TDRD3: variants seen among roughly 807,000 people sequenced by gnomAD.
The protein encoded by TDRD3 is tudor domain-containing protein 3.
In TDRD3, 45 loss-of-function variants were observed where a neutral mutation model predicts 86.7. The observed-to-expected ratio is 0.52, with a 90% CI of 0.41 to 0.67. TDRD3 has a LOEUF of 0.67. Ranked by LOEUF, TDRD3 falls within the 30% of genes least tolerant of loss-of-function variation. The pLI is 0.00. For missense variants in TDRD3, 814 were observed against 889.0 expected (o/e 0.92, Z 1.07); for synonymous variants, 298 against 301.7 (o/e 0.99, Z 0.13).
chr13:60,397,287 A>AG lies in TDRD3; in HGVS notation c.-69dup, dbSNP rs36124731. 81,002 of 561,112 alleles carry AG rather than the reference A, an allele frequency of 0.14. 5,295 individuals are homozygous for AG. The highest frequency in any genetic ancestry group is 0.27 in the African/African-American group (12,801 of 47,500). 34.8% of individuals were successfully genotyped at this position (561,112 alleles called of 1,614,324 possible). Reference sequence around the variant, plus strand: ...CTTTTCTTTTCTTTTTTTTTTTTTAAGGGGGGGGGTCTCAAGTAGGAGGCC... The same window carrying AG: ...CTTTTCTTTTCTTTTTTTTTTTTTAAGGGGGGGGGGTCTCAAGTAGGAGGCC... On this transcript the variant is annotated 5_prime_UTR_variant, in exon 1 of 14. The change creates a premature stop within an existing upstream ORF in the 5' untranslated region. Coordinates refer to ENST00000377881, the MANE Select transcript of TDRD3 (RefSeq NM_001146070.2).
At chr13:60,502,534 C>CT (rs1368426759) in intron 8 of TDRD3, among the ~76,000 whole-genome samples, 2 of 151,954 alleles carry the variant, frequency 1.3e-5, no homozygotes, top group South Asian at 4.1e-4. Flanking sequence ...CTATATAGGC[C>CT]TTTTGGATTG....
intron 5 of TDRD3, among the ~76,000 whole-genome samples, chr13:60,469,507 T>A (rs1007068836): frequency 3.9e-5 from 6 of 152,112 alleles, no homozygotes; most frequent in African/African-American, 1.4e-4. Context: ...ATTATATGTC[T>A]CTGCACTTGA....
chr13:60,396,225 C>T (rs1163692459), upstream of TDRD3, among the ~76,000 whole-genome samples: 1 of 152,214 alleles, frequency 6.6e-6, no homozygotes, highest in Non-Finnish European at 1.5e-5. Context: ...TCTTCTTCCC[C>T]TGACCTGGCA....
At chr13:60,508,768 C>A (rs1956991908) in intron 8 of TDRD3, among the ~76,000 whole-genome samples, 2 of 152,096 alleles carry the variant, frequency 1.3e-5, no homozygotes, top group Non-Finnish European at 2.9e-5. Flanking sequence ...ATCACTGTAA[C>A]CTTCATCAAG....
intron 2 of TDRD3, among the ~76,000 whole-genome samples, chr13:60,442,616 AT>A (rs1231375825): frequency 3.3e-5 from 5 of 152,070 alleles, no homozygotes; most frequent in Admixed American, 2.0e-4. Flanking sequence ...TTGGTAGATC[AT>A]TTTCATCTTG....
chr13:60,506,275 C>T (rs1426188779), intron 8 of TDRD3, among the ~76,000 whole-genome samples: 1 of 152,120 alleles, frequency 6.6e-6, no homozygotes, highest in African/African-American at 2.4e-5. Flanking sequence ...TCTAGATTTT[C>T]ATACCAGCCA....
chr13:60,508,057 A>G (rs1566254880), intron 8 of TDRD3, among the ~76,000 whole-genome samples: 1 of 152,222 alleles, frequency 6.6e-6, no homozygotes, highest in Non-Finnish European at 1.5e-5. Flanking sequence ...AATACAACTT[A>G]CAAGGGATGT....
chr13:60,462,403 C>T (rs545830137), intron 4 of TDRD3, among the ~76,000 whole-genome samples: 5 of 152,270 alleles, frequency 3.3e-5, no homozygotes, highest in South Asian at 2.1e-4. Flanking sequence ...AATTAATCGT[C>T]GTATGCTCTT....
intron 6 of TDRD3, chr13:60,484,583 C>G (rs1447086531): frequency 2.7e-6 from 1 of 371,474 alleles, no homozygotes; most frequent in East Asian, 7.5e-5. Context: ...TGACTGTCAC[C>G]CTCTCTGAAA....
intron 12 of TDRD3, chr13:60,536,298 C>T (rs1253723229): frequency 1.3e-5 from 2 of 151,810 alleles, no homozygotes; most frequent in Non-Finnish European, 2.9e-5. Flanking sequence ...TTTATTATTC[C>T]AACTTTTACA....
In TDRD3 at chr13:60,567,603, A is replaced by G. The variant is rs1286705263; in HGVS notation, c.2197A>G (p.Thr733Ala). Residue 733 changes from threonine to alanine, a missense_variant, in exon 13 of 14, where the codon ACC becomes GCC. Transcript: ENST00000377881. ...DGQPRRSTRP[T>A]QQFYQPPRAR... Reference sequence around the variant, plus strand: ...CCAGCCAAGACGATCCACTCGGCCAACCCAACAGTTTTACCAACCACCCCG... The same window carrying G: ...CCAGCCAAGACGATCCACTCGGCCAGCCCAACAGTTTTACCAACCACCCCG... 2 of 1,614,076 alleles carry G rather than the reference A, an allele frequency of 1.2e-6. No individual in the cohort carries two copies. Among genetic ancestry groups the G allele is most frequent in the Non-Finnish European group, 1.7e-6 (2 of 1,180,036 alleles).
chr13:60,473,881 C>G (rs1956126104), intron 5 of TDRD3, among the ~76,000 whole-genome samples: 1 of 152,122 alleles, frequency 6.6e-6, no homozygotes, highest in Non-Finnish European at 1.5e-5. Context: ...AGCGTCAGTA[C>G]CTGGGGAAGG....
rs1954771903 is a variant in TDRD3, at chr13:60,425,239, G to A, written c.42-14449G>A. ...TTTTCCCCAAAGAAGACATAAAAAT[G>A]TCTAAGAGGTGTATGAAAAGGTGCT... is the stretch of plus-strand genomic sequence containing the variant. On this transcript the variant is annotated intron_variant, in intron 1 of 13. Coordinates refer to ENST00000377881, the MANE Select transcript of TDRD3 (RefSeq NM_001146070.2). Among the ~76,000 whole-genome samples the A allele has an allele frequency of 1.3e-5, 2 of 152,294 alleles. 1 individual carries two copies. Among genetic ancestry groups the A allele is most frequent in the South Asian group, 4.1e-4 (2 of 4,828 alleles).
intron 5 of TDRD3, among the ~76,000 whole-genome samples, chr13:60,467,832 A>G (rs565468761): frequency 2.6e-5 from 4 of 152,210 alleles, no homozygotes; most frequent in Admixed American, 6.5e-5. Flanking sequence ...ATTTTTCCCC[A>G]TTTATATTAA....
At chr13:60,436,699 A>G (rs1262686111) in intron 1 of TDRD3, among the ~76,000 whole-genome samples, 2 of 152,120 alleles carry the variant, frequency 1.3e-5, no homozygotes, top group Non-Finnish European at 2.9e-5. Context: ...AAGTCTAGCA[A>G]TGTGATGTAT....
chr13:60,571,655 TAA>T (rs1377893629), intron 13 of TDRD3, among the ~76,000 whole-genome samples: 1 of 152,242 alleles, frequency 6.6e-6, no homozygotes, highest in Non-Finnish European at 1.5e-5. Context: ...TATGTTTTGA[TAA>T]AGTTTTATAT....
At chr13:60,443,083 G>A (rs1202039698) in intron 2 of TDRD3, among the ~76,000 whole-genome samples, 1 of 151,754 alleles carries the variant, frequency 6.6e-6, no homozygotes, top group Non-Finnish European at 1.5e-5. Context: ...TTACATTATT[G>A]ATATGATGGT....
chr13:60,478,000 C>T (rs1380315359), intron 5 of TDRD3, among the ~76,000 whole-genome samples: 1 of 151,746 alleles, frequency 6.6e-6, no homozygotes, highest in East Asian at 1.9e-4. Flanking sequence ...TGTATCTGGT[C>T]TAGGATTTTT....
At chr13:60,469,598 T>C (rs1025627165) in intron 5 of TDRD3, among the ~76,000 whole-genome samples, 4 of 152,248 alleles carry the variant, frequency 2.6e-5, no homozygotes, top group African/African-American at 7.2e-5. Context: ...CATTTTAATA[T>C]GATTATAGTT....
Sources: allele counts gnomAD v4.1 joint callset (sites outside exome capture counted in the v4.1 genomes callset), GRCh38; gene constraint gnomAD v4.1.1; transcripts MANE v1.5; gene names NCBI Gene and HGNC (gene_info 2026-07-23, HGNC 2026-07-21).